TTC17: variants seen among roughly 807,000 people sequenced by gnomAD.
TTC17 encodes tetratricopeptide repeat protein 17.
Under a neutral mutation model 143.8 loss-of-function variants are expected in TTC17, and 58 were observed. That is an observed-to-expected ratio of 0.40 (90% CI 0.33 to 0.50). The LOEUF is 0.50. TTC17 is among the 20% of genes least tolerant of loss of function. The pLI is 0.49. For missense variants in TTC17, 1,273 were observed against 1,392.5 expected (o/e 0.91, Z 1.37); for synonymous variants, 501 against 497.8 (o/e 1.01, Z -0.09).
In TTC17 at chr11:43,452,218, G is replaced by A. The variant is rs76242339; in HGVS notation, c.3030+953G>A. On this transcript the variant is annotated intron_variant, in intron 21 of 23. Coordinates refer to ENST00000039989, the MANE Select transcript of TTC17 (RefSeq NM_018259.6). ...ACTGATACAAAAATAAAAGAAAACC[G>A]GTCGGGCCCGGTGGCTCACACCTGT... is the stretch of plus-strand genomic sequence containing the variant. 3.5e-3 allele frequency among the ~76,000 whole-genome samples: 534 copies of A among 152,234 alleles called. 2 individuals are homozygous for A. Among genetic ancestry groups the A allele is most frequent in the Non-Finnish European group, 5.5e-3 (375 of 68,012 alleles).
chr11:43,382,121 GATA>G (rs1319445546), intron 2 of TTC17, among the ~76,000 whole-genome samples: 2 of 152,118 alleles, frequency 1.3e-5, no homozygotes, highest in African/African-American at 4.8e-5. Flanking sequence ...GAACATCTTA[GATA>G]ACAGAAGACA....
chr11:43,446,919 G>A (rs186053486), intron 18 of TTC17, among the ~76,000 whole-genome samples: 54 of 152,276 alleles, frequency 3.5e-4, no homozygotes, highest in East Asian at 1.9e-4. Flanking sequence ...GAACATACAC[G>A]TTAGAGTCAA....
intron 21 of TTC17, among the ~76,000 whole-genome samples, chr11:43,476,548 C>A (rs1198093705): frequency 3.3e-5 from 5 of 152,178 alleles, no homozygotes; most frequent in Non-Finnish European, 7.3e-5. Flanking sequence ...AACTTCAATT[C>A]TTGACTTCTG....
chr11:43,434,410 C>CG (rs1565164118), intron 16 of TTC17, among the ~76,000 whole-genome samples: 1 of 152,090 alleles, frequency 6.6e-6, no homozygotes, highest in African/African-American at 2.4e-5. Flanking sequence ...TACTGATCGG[C>CG]GGGGGGAAGC....
At chr11:43,449,349 T>A (rs1947612666) in intron 19 of TTC17, 1 of 152,296 alleles carries the variant, frequency 6.6e-6, no homozygotes, top group Non-Finnish European at 1.5e-5. Flanking sequence ...GCTGGTTAAT[T>A]CATACTAAAC....
intron 21 of TTC17, among the ~76,000 whole-genome samples, chr11:43,486,164 C>G (rs1477625183): frequency 6.6e-6 from 1 of 151,996 alleles, no homozygotes. Flanking sequence ...TAGTCCCCCC[C>G]TTATTTGCAG....
At position 43,450,134 on chromosome 11, in the gene TTC17, C is replaced by A; in HGVS notation, c.2839C>A (p.Pro947Thr). The A allele has an allele frequency of 6.2e-7, 1 of 1,614,174 alleles. No homozygotes were observed. The highest frequency in any genetic ancestry group is 8.5e-7 in the Non-Finnish European group (1 of 1,180,030). Residue 947 changes from proline to threonine, a missense_variant, in exon 20 of 24, where the codon CCT (proline) becomes ACT (threonine). Physicochemically the swap from Pro to Thr is conservative, Grantham distance 38. Transcript: ENST00000039989. The part of the protein sequence containing the change: ...ATPIQQPAME[P>T]LCNGNLPTSM... ...CCCTATACAGCAGCCAGCAATGGAG[C>A]CTCTTTGCAATGGCAATCTCCCCAC...
intron 21 of TTC17, among the ~76,000 whole-genome samples, chr11:43,476,128 A>G (rs559492648): frequency 6.6e-5 from 10 of 152,344 alleles, no homozygotes; most frequent in African/African-American, 2.2e-4. Context: ...TTTAGTGGAA[A>G]GTGGTACCTA....
At chr11:43,402,852 A>G (rs1014208153) in intron 10 of TTC17, among the ~76,000 whole-genome samples, 8 of 152,196 alleles carry the variant, frequency 5.3e-5, no homozygotes, top group African/African-American at 1.9e-4. Context: ...TTCCAGCAAT[A>G]ACTACTTAAG....
chr11:43,455,667 T>C (rs1480373736), intron 21 of TTC17, among the ~76,000 whole-genome samples: 1 of 152,098 alleles, frequency 6.6e-6, no homozygotes, highest in African/African-American at 2.4e-5. Context: ...TCTAAAAATA[T>C]TATTTCTCAG....
Position 43,414,751 on chromosome 11 carries a change from C to T in TTC17, c.2226C>T (p.Tyr742=). ...GTATGCAGTTTTATCCTTTTCTGTA[C>T]AACATCACTTCTTCTGTTTGCAGTG... The part of the protein sequence containing the change: ...IRCMQFYPFL[Y]NITSSVCSGT... Residue 742 remains tyrosine (Y), a synonymous_variant, in exon 16 of 24, where the codon TAC becomes TAT. Coordinates refer to ENST00000039989, the MANE Select transcript of TTC17 (RefSeq NM_018259.6). The T allele has an allele frequency of 6.2e-7, 1 of 1,613,334 alleles. No individual in the cohort carries two copies. The highest frequency in any genetic ancestry group is 8.5e-7 in the Non-Finnish European group (1 of 1,179,632).
intron 1 of TTC17, among the ~76,000 whole-genome samples, chr11:43,366,713 A>G (rs1856358934): frequency 6.6e-6 from 1 of 152,056 alleles, no homozygotes; most frequent in Admixed American, 6.6e-5. Context: ...GGTGGCAGGG[A>G]GGGAGACAGA....
chr11:43,476,193 A>G (rs1246914745), intron 21 of TTC17, among the ~76,000 whole-genome samples: 1 of 152,210 alleles, frequency 6.6e-6, no homozygotes, highest in African/African-American at 2.4e-5. Flanking sequence ...TCTACCAAGT[A>G]TTTGAACCAG....
chr11:43,416,884 T>G (rs1489802713), intron 16 of TTC17, among the ~76,000 whole-genome samples: 3 of 152,192 alleles, frequency 2.0e-5, no homozygotes, highest in Non-Finnish European at 4.4e-5. Flanking sequence ...AATGCTGTGA[T>G]CTTTCAAATG....
At chr11:43,387,449 T>C (rs973263193) in intron 2 of TTC17, among the ~76,000 whole-genome samples, 1 of 151,572 alleles carries the variant, frequency 6.6e-6, no homozygotes, top group African/African-American at 2.4e-5. Flanking sequence ...CAGGATAGCA[T>C]ATCTCCATGA....
intron 16 of TTC17, among the ~76,000 whole-genome samples, chr11:43,430,529 G>C (rs2134678435): frequency 6.6e-6 from 1 of 152,232 alleles, no homozygotes; most frequent in African/African-American, 2.4e-5. Flanking sequence ...TTGTAAGGCA[G>C]TCTGTCTATT....
At chr11:43,407,640 A>T in intron 15 of TTC17, 63 bp downstream of exon 15, 1 of 1,450,912 alleles carries the variant, frequency 6.9e-7, no homozygotes, top group Non-Finnish European at 9.4e-7. Flanking sequence ...TTTAGATTAC[A>T]ATTTGTATTT....
At chr11:43,456,179 AACACAC>A (rs57261729) in intron 21 of TTC17, among the ~76,000 whole-genome samples, 67 of 146,310 alleles carry the variant, frequency 4.6e-4, no homozygotes, top group Admixed American at 1.4e-3. Flanking sequence ...TTAGCACAAT[AACACAC>A]ACACACACAC....
At chr11:43,397,902 G>T (rs761211858) in intron 7 of TTC17, 72 bp from the exon 8 acceptor site, 12 of 40,668 alleles carry the variant, frequency 3.0e-4, no homozygotes, top group Non-Finnish European at 3.7e-4. Flanking sequence ...TTTTTTTTCC[G>T]TGTGTGTGTG....
Sources: allele counts gnomAD v4.1 joint callset (sites outside exome capture counted in the v4.1 genomes callset), GRCh38; gene constraint gnomAD v4.1.1; transcripts MANE v1.5; gene names NCBI Gene and HGNC (gene_info 2026-07-23, HGNC 2026-07-21).